The following SGCZ variants were observed in gnomAD, a reference collection of about 807,000 sequenced individuals.
SGCZ encodes the protein sarcoglycan zeta, also known as zeta-sarcoglycan.
In SGCZ, 40 loss-of-function variants were observed where a neutral mutation model predicts 41.3. That is an observed-to-expected ratio of 0.97 (90% CI 0.75 to 1.26). The LOEUF (loss-of-function observed/expected upper bound fraction) is 1.26. Ranked by LOEUF, SGCZ falls within the 50% of genes most tolerant of loss-of-function variation. The pLI is 0.00. For missense variants in SGCZ, 552 were observed against 369.8 expected (o/e 1.49, Z -4.04); for synonymous variants, 206 against 137.5 (o/e 1.50, Z -3.49).
At chr8:14,984,799 AT>A (rs1264560656) in intron 1 of SGCZ, among the ~76,000 whole-genome samples, 1 of 152,102 alleles carries the variant, frequency 6.6e-6, no homozygotes, top group Non-Finnish European at 1.5e-5. Context: ...GTATATTTAT[AT>A]TTTTAGTTTT....
intron 5 of SGCZ, among the ~76,000 whole-genome samples, chr8:14,127,333 G>T (rs546655080): frequency 1.3e-5 from 2 of 152,082 alleles, no homozygotes; most frequent in Non-Finnish European, 2.9e-5. Flanking sequence ...CCTAAATACT[G>T]AGGAGCAAAT....
chr8:15,150,510 C>A (rs893313138), intron 1 of SGCZ, among the ~76,000 whole-genome samples: 1 of 152,178 alleles, frequency 6.6e-6, no homozygotes, highest in Non-Finnish European at 1.5e-5. Context: ...TTCCCCCTCC[C>A]TACTCACGCA....
chr8:14,374,147 G>A (rs1804017428), intron 2 of SGCZ, among the ~76,000 whole-genome samples: 1 of 152,160 alleles, frequency 6.6e-6, no homozygotes, highest in East Asian at 1.9e-4. Flanking sequence ...GAAGGCCGAG[G>A]CAGGCCAATC....
intron 1 of SGCZ, among the ~76,000 whole-genome samples, chr8:15,093,263 T>C (rs1806217183): frequency 3.9e-5 from 6 of 152,202 alleles, no homozygotes; most frequent in Admixed American, 3.9e-4. Flanking sequence ...ATACACACAC[T>C]TGTAAGCATT....
At chr8:14,374,181 C>G (rs1264747970) in intron 2 of SGCZ, among the ~76,000 whole-genome samples, 1 of 152,062 alleles carries the variant, frequency 6.6e-6, no homozygotes, top group African/African-American at 2.4e-5. Context: ...AGTCAGAGAT[C>G]AGCCTGGACA....
chr8:15,031,521 A>T (rs901344675), intron 1 of SGCZ, among the ~76,000 whole-genome samples: 1 of 152,196 alleles, frequency 6.6e-6, no homozygotes, highest in Non-Finnish European at 1.5e-5. Context: ...AGGACTTTAC[A>T]TGTATTAATT....
At chr8:14,495,778 C>CT (rs1801969878) in intron 2 of SGCZ, among the ~76,000 whole-genome samples, 4 of 108,510 alleles carry the variant, frequency 3.7e-5, no homozygotes, top group African/African-American at 8.0e-5. Flanking sequence ...GTTAGATAAA[C>CT]GTTTTTTTGA....
intron 3 of SGCZ, among the ~76,000 whole-genome samples, chr8:14,244,136 TTCTTCCTTCTTCCTCCTCC>T (rs57852864): frequency 0.99 from 134,122 of 136,000 alleles, 66,425 homozygotes; most frequent in East Asian, 0.99. Flanking sequence ...TCCCCTTCTT[TTCTTCCTTCTTCCTCCTCC>T]TCTTCCTTCT....
intron 1 of SGCZ, among the ~76,000 whole-genome samples, chr8:14,890,606 G>A (rs559408504): frequency 1.3e-5 from 2 of 152,346 alleles, no homozygotes; most frequent in African/African-American, 4.8e-5. Flanking sequence ...AGGCAAAGCA[G>A]CAAGTGCTGA....
At chr8:14,151,994 A>C (rs951348670) in intron 5 of SGCZ, among the ~76,000 whole-genome samples, 1 of 152,252 alleles carries the variant, frequency 6.6e-6, no homozygotes, top group African/African-American at 2.4e-5. Flanking sequence ...TTAGGGAAAA[A>C]TGTAGAAAAT....
At chr8:14,637,608 T>G (rs1021639107) in intron 1 of SGCZ, among the ~76,000 whole-genome samples, 10 of 151,836 alleles carry the variant, frequency 6.6e-5, no homozygotes, top group African/African-American at 9.7e-5. Context: ...TTGCTTAGGA[T>G]AATGGCATCC....
intron 1 of SGCZ, among the ~76,000 whole-genome samples, chr8:14,820,707 C>A (rs1802050113): frequency 6.6e-6 from 1 of 151,730 alleles, no homozygotes; most frequent in Non-Finnish European, 1.5e-5. Context: ...TTTACAATAA[C>A]ATGGAAATTA....
chr8:14,551,463 ATT>A (rs1491144669), intron 2 of SGCZ, among the ~76,000 whole-genome samples: 3,467 of 10,474 alleles, frequency 0.33, 819 homozygotes, highest in Non-Finnish European at 0.42. Context: ...TATTATATAT[ATT>A]ATATATATTA....
intron 1 of SGCZ, among the ~76,000 whole-genome samples, chr8:14,702,997 A>T (rs983788740): frequency 6.6e-6 from 1 of 151,854 alleles, no homozygotes; most frequent in East Asian, 1.9e-4. Context: ...AGATAGATTT[A>T]TTTGAACAAT....
At chr8:14,592,152 T>C (rs1422998720) in intron 1 of SGCZ, among the ~76,000 whole-genome samples, 1 of 152,150 alleles carries the variant, frequency 6.6e-6, no homozygotes, top group Non-Finnish European at 1.5e-5. Context: ...AAATCAGTTG[T>C]TTTTCATTTG....
At chr8:14,578,268 T>A (rs1441937344) in intron 1 of SGCZ, among the ~76,000 whole-genome samples, 4 of 152,202 alleles carry the variant, frequency 2.6e-5, no homozygotes, top group African/African-American at 4.8e-5. Context: ...CCACCATACA[T>A]GCACCTTTTC....
intron 4 of SGCZ, among the ~76,000 whole-genome samples, chr8:14,185,321 T>A (rs927850651): frequency 6.6e-6 from 1 of 152,040 alleles, no homozygotes; most frequent in Admixed American, 6.6e-5. Context: ...AAGAATAGCT[T>A]GAACCAGGGA....
intron 2 of SGCZ, among the ~76,000 whole-genome samples, chr8:14,345,498 A>G (rs1003098864): frequency 1.3e-5 from 2 of 152,168 alleles, no homozygotes; most frequent in Admixed American, 6.6e-5. Flanking sequence ...GGAGAAAAGT[A>G]TAACACAACA....
At chr8:15,000,814 C>T (rs1489525655) in intron 1 of SGCZ, among the ~76,000 whole-genome samples, 4 of 152,184 alleles carry the variant, frequency 2.6e-5, no homozygotes, top group Admixed American at 6.5e-5. Flanking sequence ...GCCATCTACC[C>T]GCTTTTTGGA....
Sources: allele counts gnomAD v4.1 joint callset (sites outside exome capture counted in the v4.1 genomes callset), GRCh38; gene constraint gnomAD v4.1.1; transcripts MANE v1.5; gene names NCBI Gene and HGNC (gene_info 2026-07-23, HGNC 2026-07-21).